The following NOX1 variants were observed in gnomAD, a reference collection of about 807,000 sequenced individuals.
NOX1 encodes NADPH oxidase 1.
NOX1 carries 34 observed loss-of-function variants against 42.5 expected under a neutral mutation model. The observed-to-expected ratio is 0.80, with a 90% CI of 0.61 to 1.07. The LOEUF is 1.07. NOX1 is among the 50% of genes least tolerant of loss of function. NOX1 has a pLI of 0.00. For missense variants in NOX1, 408 were observed against 427.0 expected, an observed-to-expected ratio of 0.96 and a Z score of 0.39; for synonymous variants, 143 against 152.5, an observed-to-expected ratio of 0.94 and a Z score of 0.46.
intron 7 of NOX1, among the ~76,000 whole-genome samples, chrX:100,852,598 G>T (rs140675643): frequency 0.015 from 1,670 of 112,391 alleles, 26 homozygotes; most frequent in African/African-American, 0.051. Context: ...GTCCTTTCTT[G>T]CACAGTTGCT....
rs1252035450 is a variant in NOX1 at position 100,843,516 on chromosome X, AT to A, written c.*435del. On this transcript the variant is annotated 3_prime_UTR_variant, in exon 13 of 13. Coordinates refer to ENST00000372966, the MANE Select transcript of NOX1 (RefSeq NM_007052.5). The stretch of plus-strand genomic sequence containing the variant: ...TGTTTTATCATTAATTATTCAATAA[AT>A]TTTTATTTAAAAAGTCACCCTACTT... 1.1e-5 allele frequency: 11 copies of A among 1,035,271 alleles called. No individual in the cohort carries two copies. The highest frequency in any genetic ancestry group is 1.3e-5 in the Non-Finnish European group (10 of 798,175). 85.3% of individuals were successfully genotyped at this position (1,035,271 alleles called of 1,213,427 possible).
Position 100,851,297 on chromosome X carries a change from A to C in NOX1, c.833T>G (p.Ile278Ser), listed in dbSNP as rs1225429309. 1 of 1,191,766 alleles carries C rather than the reference A, an allele frequency of 8.4e-7. No homozygotes were observed. Residue 278 changes from isoleucine (I) to serine (S), a missense_variant, in exon 8 of 13, where the codon ATT becomes AGT. Physicochemically the swap from Ile to Ser is moderately radical, Grantham distance 142. Transcript: ENST00000372966. ...GAGGATCCTTTCACAGATATAAAGA[A>C]TGACCGGTGCAAGGATCCACTTCCA... is the stretch of plus-strand genomic sequence containing the variant. ...ESWKWILAPV[I>S]LYICERILRF...
intron 12 of NOX1, 149 bp downstream of exon 12, chrX:100,848,481 G>A (rs2085089010): frequency 2.7e-6 from 1 of 374,156 alleles, no homozygotes; most frequent in Non-Finnish European, 4.4e-6. Context: ...TAGTAGTGAC[G>A]GGGTTTTGCC....
chrX:100,859,895 C>A (rs1184230445), intron 7 of NOX1, among the ~76,000 whole-genome samples: 1 of 108,417 alleles, frequency 9.2e-6, no homozygotes, highest in African/African-American at 3.4e-5. Context: ...AGCTAGCATT[C>A]TATCTATCTT....
At chrX:100,850,513 A>G (rs979576819) in intron 8 of NOX1, 127 bp from the exon 9 acceptor site, 1 of 453,730 alleles carries the variant, frequency 2.2e-6, no homozygotes, top group Non-Finnish European at 3.8e-6. Flanking sequence ...TCCTCTCTAA[A>G]GAGGGCAGCA....
chrX:100,849,297 C>T lies in NOX1; in HGVS notation c.1426G>A (p.Gly476Arg), dbSNP rs758229817. ...GFLNYRLFLT[G>R]WDSNIVGHAA... ...GGACTCACAATATTGCTGTCCCATC[C>T]GGTGAGGAAGAGACGGTAGTTTAGA... is the stretch of plus-strand genomic sequence containing the variant. Residue 476 changes from glycine to arginine, a missense_variant, in exon 11 of 13, where the codon GGA becomes AGA. Physicochemically the swap from Gly to Arg is moderately radical, Grantham distance 125. Transcript: ENST00000372966. The T allele has an allele frequency of 6.6e-6, 8 of 1,211,058 alleles. No individual in the cohort carries two copies. Among genetic ancestry groups the T allele is most frequent in the East Asian group, 3.0e-5 (1 of 33,847 alleles).
intron 8 of NOX1, among the ~76,000 whole-genome samples, chrX:100,851,006 AT>A (rs111677960): frequency 1.2e-3 from 123 of 104,177 alleles, no homozygotes; most frequent in African/African-American, 2.0e-3. Flanking sequence ...CGCTCAGCTA[AT>A]TTTTTTTTTT....
At chrX:100,860,148 T>A (rs887048592) in intron 7 of NOX1, among the ~76,000 whole-genome samples, 1 of 111,512 alleles carries the variant, frequency 9.0e-6, no homozygotes, top group Non-Finnish European at 1.9e-5. Context: ...CCTATTAGTG[T>A]CTATGGTACT....
At chrX:100,862,027 G>T in intron 7 of NOX1, 144 bp downstream of exon 7, 1 of 653,844 alleles carries the variant, frequency 1.5e-6, no homozygotes, top group Non-Finnish European at 2.2e-6. Context: ...TTTCTTAAAG[G>T]TAGGAACCCC....
chrX:100,852,787 A>G (rs909252661), intron 7 of NOX1, among the ~76,000 whole-genome samples: 29 of 112,652 alleles, frequency 2.6e-4, no homozygotes, highest in Non-Finnish European at 3.9e-4. Context: ...CAATTTGAGG[A>G]AAAACATATT....
At chrX:100,853,276 T>TTCTTTCTCTCTCTTTC (rs1569445515) in intron 7 of NOX1, among the ~76,000 whole-genome samples, 48 of 66,358 alleles carry the variant, frequency 7.2e-4, no homozygotes, top group African/African-American at 2.9e-3. Flanking sequence ...CTTTCTTTCT[T>TTCTTTCTCTCTCTTTC]TCTTTCTTTC....
chrX:100,853,280 T>TTCTTTCTTTCTCTCTCTTTC (rs1569445530), intron 7 of NOX1, among the ~76,000 whole-genome samples: 28 of 72,746 alleles, frequency 3.8e-4, no homozygotes, highest in African/African-American at 1.6e-3. Flanking sequence ...CTTTCTTTCT[T>TTCTTTCTTTCTCTCTCTTTC]TCTTTCTTTC....
chrX:100,858,889 T>A (rs2085184864), intron 7 of NOX1, among the ~76,000 whole-genome samples: 1 of 111,801 alleles, frequency 8.9e-6, no homozygotes, highest in African/African-American at 3.3e-5. Context: ...AGGGATAGTT[T>A]GACTTTTTGT....
At chrX:100,865,862 C>T (rs1239480049) in intron 2 of NOX1, among the ~76,000 whole-genome samples, 2 of 112,150 alleles carry the variant, frequency 1.8e-5, no homozygotes, top group African/African-American at 3.2e-5. Context: ...AAGAGATGCA[C>T]GCAACTGGCA....
intron 12 of NOX1, among the ~76,000 whole-genome samples, chrX:100,847,013 C>T: frequency 8.9e-6 from 1 of 111,765 alleles, no homozygotes; most frequent in Middle Eastern, 4.6e-3. Context: ...TATGGCGAAA[C>T]CCCATCTCTA....
chrX:100,863,785 A>G (rs1168239062), intron 2 of NOX1, among the ~76,000 whole-genome samples, 190 bp from the exon 3 acceptor site: 1 of 111,333 alleles, frequency 9.0e-6, no homozygotes, highest in Non-Finnish European at 1.9e-5. Flanking sequence ...TGAATTTAAT[A>G]TTGAGTTGAG....
chrX:100,857,966 G>A (rs2085178796), intron 7 of NOX1, among the ~76,000 whole-genome samples: 1 of 111,359 alleles, frequency 9.0e-6, no homozygotes, highest in African/African-American at 3.3e-5. Context: ...TTTGCTTTTG[G>A]TATCTTCATC....
rs748881073 is a variant in NOX1 at position 100,863,507 on chromosome X, G to T, written c.230C>A (p.Ser77Tyr). The T allele has an allele frequency of 9.8e-5, 119 of 1,208,689 alleles. No homozygotes were observed. The highest frequency in any genetic ancestry group is 1.3e-4 in the Non-Finnish European group (118 of 895,076). Reference protein sequence around the residue: ...ILLPVCRNLLSFLRGTCSFCS... With the variant: ...ILLPVCRNLLYFLRGTCSFCS... ...CACTGAGCAGGTGCCCCTCAGGAAG[G>T]ACAGCAGATTGCGACACACAGGAAG... The change falls in exon 3 of 13, where the codon TCC becomes TAC. Residue 77 changes from serine to tyrosine, a missense_variant. Ser to Tyr is a moderately radical substitution (Grantham distance 144). Transcript: ENST00000372966.
Position 100,855,732 on chromosome X carries a change from T to C in NOX1, c.805-4407A>G, listed in dbSNP as rs780076487. 9.8e-5 allele frequency: 101 copies of C among 1,027,384 alleles called. No homozygotes were observed. The African/African-American group carries it at 1.2e-3, about 13-fold the overall frequency. The allele number at this position is 1,027,384 out of a possible 1,213,427, so 84.7% of individuals were successfully genotyped here. On this transcript the variant is annotated intron_variant, in intron 7 of 12. Coordinates refer to ENST00000372966, the MANE Select transcript of NOX1 (RefSeq NM_007052.5). The stretch of plus-strand genomic sequence containing the variant: ...ATCATGGCTGCCACCAAAGCCACCA[T>C]GACCACTGAAGTTTCCTCCACAACC...
Sources: gnomAD v4.1 joint callset for allele counts (sites outside exome capture counted in the v4.1 genomes callset) on GRCh38, gnomAD v4.1.1 for gene constraint, MANE v1.5 for transcripts, NCBI Gene and HGNC (gene_info 2026-07-23, HGNC 2026-07-21) for gene names.